The following UBE2W variants were observed in gnomAD, a reference collection of about 807,000 sequenced individuals.
UBE2W encodes ubiquitin conjugating enzyme E2 W.
In UBE2W, 18 loss-of-function variants were observed where a neutral mutation model predicts 27.2. The observed-to-expected ratio is 0.66, with a 90% CI of 0.46 to 0.98. The LOEUF is 0.98. Among genes scored for constraint, UBE2W ranks in the 50% least tolerant of loss-of-function variants. The pLI is 0.00. For missense variants in UBE2W, 90 were observed against 180.2 expected, an observed-to-expected ratio of 0.50 and a Z score of 2.87; for synonymous variants, 53 against 57.2, an observed-to-expected ratio of 0.93 and a Z score of 0.33.
chr8:73,830,502 C>T, intron 1 of UBE2W, 30 bp from the exon 2 acceptor site: 1 of 1,581,260 alleles, frequency 6.3e-7, no homozygotes, highest in Non-Finnish European at 8.7e-7. Flanking sequence ...ATAATTTGTC[C>T]TTTTTGAGAC....
chr8:73,844,971 C>T (rs1401602404), intron 1 of UBE2W, among the ~76,000 whole-genome samples: 4 of 144,842 alleles, frequency 2.8e-5, no homozygotes, highest in East Asian at 2.2e-4. Flanking sequence ...GTCTGGGAAG[C>T]GAGGAGCGTC....
chr8:73,791,935 A>G lies in UBE2W; in HGVS notation c.*2167T>C. On this transcript the variant is annotated 3_prime_UTR_variant, in exon 6 of 6. Coordinates refer to ENST00000602593, the MANE Select transcript of UBE2W (RefSeq NM_018299.6). Reference sequence around the variant, plus strand: ...GAGGCTATATATGACCTATTACTCTATAGTATAGCATTGTTAATCTTTGAC... The same window carrying G: ...GAGGCTATATATGACCTATTACTCTGTAGTATAGCATTGTTAATCTTTGAC... 2.0e-6 allele frequency: 2 copies of G among 985,104 alleles called. No individual in the cohort carries two copies. Among genetic ancestry groups the G allele is most frequent in the Non-Finnish European group, 2.4e-6 (2 of 829,640 alleles). The allele number at this position is 985,104 out of a possible 1,614,324, so 61.0% of individuals were successfully genotyped here.
At chr8:73,809,198 C>T (rs1179876222) in intron 4 of UBE2W, among the ~76,000 whole-genome samples, 1 of 152,026 alleles carries the variant, frequency 6.6e-6, no homozygotes, top group Non-Finnish European at 1.5e-5. Context: ...AAAAACAAAA[C>T]AAAACCAATT....
intron 1 of UBE2W, among the ~76,000 whole-genome samples, chr8:73,832,135 A>AAATATATATATATATATATATATATATAT (rs1810092599): frequency 7.0e-6 from 1 of 142,488 alleles, no homozygotes; most frequent in African/African-American, 2.8e-5. Flanking sequence ...AAAAATAAAT[A>AAATATATATATATATATATATATATATAT]AATATATATA....
chr8:73,873,896 A>G (rs982054824), intron 1 of UBE2W, among the ~76,000 whole-genome samples: 4 of 152,234 alleles, frequency 2.6e-5, no homozygotes, highest in Admixed American at 1.3e-4. Context: ...TTTAGAGTTG[A>G]CAAACATCAA....
At chr8:73,781,341 G>A (rs1415138734), downstream of UBE2W, among the ~76,000 whole-genome samples, 1 of 150,766 alleles carries the variant, frequency 6.6e-6, no homozygotes, top group African/African-American at 2.4e-5. Context: ...CCCATAAACT[G>A]AGTAAAATCA....
At chr8:73,866,607 A>G (rs926742345) in intron 1 of UBE2W, among the ~76,000 whole-genome samples, 1 of 152,076 alleles carries the variant, frequency 6.6e-6, no homozygotes, top group Non-Finnish European at 1.5e-5. Context: ...TTGGAAAAAA[A>G]CTTAGATGCA....
At chr8:73,784,276 G>C (rs187613946), downstream of UBE2W, among the ~76,000 whole-genome samples, 10 of 152,202 alleles carry the variant, frequency 6.6e-5, no homozygotes, top group South Asian at 2.1e-4. Context: ...GATTACCCCA[G>C]GATACCAAGT....
intron 3 of UBE2W, among the ~76,000 whole-genome samples, chr8:73,820,028 G>T (rs1296548507): frequency 6.6e-6 from 1 of 152,148 alleles, no homozygotes; most frequent in Non-Finnish European, 1.5e-5. Context: ...TGCCCAGGCT[G>T]GTCCCAAAAC....
chr8:73,839,227 G>A (rs1008743005), intron 1 of UBE2W, among the ~76,000 whole-genome samples: 1 of 150,778 alleles, frequency 6.6e-6, no homozygotes, highest in African/African-American at 2.4e-5. Context: ...TACTGAAAAA[G>A]CACTACTACT....
intron 1 of UBE2W, among the ~76,000 whole-genome samples, chr8:73,867,599 T>C (rs566539892): frequency 6.6e-6 from 1 of 151,906 alleles, no homozygotes; most frequent in East Asian, 1.9e-4. Flanking sequence ...TATTCCCAGC[T>C]ACTCAGGAGG....
intron 1 of UBE2W, among the ~76,000 whole-genome samples, chr8:73,866,944 G>A (rs917804379): frequency 6.6e-6 from 1 of 151,068 alleles, no homozygotes; most frequent in Non-Finnish European, 1.5e-5. Context: ...GGCAGAGGTT[G>A]CAGTGAGCCG....
intron 4 of UBE2W, 135 bp downstream of exon 4, chr8:73,810,337 TAA>T: frequency 1.1e-6 from 1 of 909,488 alleles, no homozygotes; most frequent in Non-Finnish European, 1.6e-6. Flanking sequence ...AATTTATTAC[TAA>T]ACATGAAATT....
intron 5 of UBE2W, among the ~76,000 whole-genome samples, chr8:73,804,195 G>T (rs1365121891): frequency 6.6e-6 from 1 of 151,586 alleles, no homozygotes; most frequent in African/African-American, 2.4e-5. Flanking sequence ...GATACAGAAG[G>T]CTTCACACTG....
At position 73,792,105 on chromosome 8, in the gene UBE2W, C is replaced by A; in HGVS notation, c.*1997G>T. On this transcript the variant is annotated 3_prime_UTR_variant, in exon 6 of 6. Coordinates refer to ENST00000602593, the MANE Select transcript of UBE2W (RefSeq NM_018299.6). ...GTCAAACAGTAGTGTAGAGCAGTTA[C>A]GCAAAATATGAAAATACATAATTTA... is the stretch of plus-strand genomic sequence containing the variant. 2.0e-6 allele frequency: 2 copies of A among 985,014 alleles called. No individual in the cohort carries two copies. The allele number at this position is 985,014 out of a possible 1,614,324, so 61.0% of individuals were successfully genotyped here.
chr8:73,832,478 T>TA (rs1223127241), intron 1 of UBE2W, among the ~76,000 whole-genome samples: 5 of 152,178 alleles, frequency 3.3e-5, no homozygotes, highest in African/African-American at 7.2e-5. Flanking sequence ...AATCTTACAT[T>TA]AAAAAAATAG....
At position 73,794,880 on chromosome 8, in the gene UBE2W, A is replaced by G. The variant is rs1429174801; in HGVS notation, c.443-765T>C. ...AAAAAAAAAAAAAAAGAAAAAAAAA[A>G]AAAGAAAATAAGCTTTCAGCAAGTA... On this transcript the variant is annotated intron_variant, in intron 5 of 5. Transcript: ENST00000602593. Among the ~76,000 whole-genome samples the G allele has an allele frequency of 3.3e-5, 5 of 150,964 alleles. No homozygotes were observed. In the East Asian group the frequency reaches 5.8e-4, roughly 17 times the overall value.
intron 3 of UBE2W, among the ~76,000 whole-genome samples, chr8:73,821,889 T>C (rs1337593638): frequency 6.6e-5 from 10 of 152,098 alleles, no homozygotes; most frequent in Admixed American, 6.6e-4. Context: ...AATCATTATT[T>C]ACTGGACCAG....
At chr8:73,869,468 A>AT (rs1337090471) in intron 1 of UBE2W, among the ~76,000 whole-genome samples, 2 of 152,184 alleles carry the variant, frequency 1.3e-5, no homozygotes, top group East Asian at 3.8e-4. Flanking sequence ...AGACAGGTGG[A>AT]TCTCTTGAGG....
Sources: gnomAD v4.1 joint callset for allele counts (sites outside exome capture counted in the v4.1 genomes callset) on GRCh38, gnomAD v4.1.1 for gene constraint, MANE v1.5 for transcripts, NCBI Gene and HGNC (gene_info 2026-07-23, HGNC 2026-07-21) for gene names.